Variants in TRRAP observed in about 807,000 individuals in gnomAD.
TRRAP encodes the protein transformation/transcription domain associated protein, also known as transformation/transcription domain-associated protein.
A neutral mutation model predicts 438.8 loss-of-function variants in TRRAP; 41 were observed. That is an observed-to-expected ratio of 0.09 (90% CI 0.07 to 0.12). TRRAP has a LOEUF of 0.12. TRRAP is among the 10% of genes least tolerant of loss of function. The probability of loss-of-function intolerance (pLI) is 1.00; values close to 1 mark genes in which losing one functional copy is unlikely to be tolerated. For synonymous variants in TRRAP, 1,994 were observed against 1,962.9 expected, an observed-to-expected ratio of 1.02 and a Z score of -0.42; for missense variants, 3,122 against 5,055.1, an observed-to-expected ratio of 0.62 and a Z score of 11.60.
At chr7:98,992,739 A>G (rs981868773) in intron 65 of TRRAP, among the ~76,000 whole-genome samples, 1 of 152,230 alleles carries the variant, frequency 6.6e-6, no homozygotes, top group African/African-American at 2.4e-5. Context: ...TGATGGCTTC[A>G]GTTACCCACT....
intron 11 of TRRAP, among the ~76,000 whole-genome samples, chr7:98,901,691 G>A (rs797033720): frequency 5.9e-5 from 9 of 152,248 alleles, no homozygotes; most frequent in African/African-American, 2.2e-4. Context: ...TAGGATTACA[G>A]GCATGCACTA....
At chr7:98,957,860 G>C in intron 43 of TRRAP, 121 bp from the exon 44 acceptor site, 1 of 802,808 alleles carries the variant, frequency 1.2e-6, no homozygotes, top group Non-Finnish European at 2.1e-6. Context: ...TATCCCCAGC[G>C]CCCAGAGCTG....
intron 45 of TRRAP, 137 bp downstream of exon 45, chr7:98,959,627 A>ATGACTGGCAAAGG: frequency 1.6e-6 from 2 of 1,284,730 alleles, no homozygotes; most frequent in Non-Finnish European, 1.1e-6. Flanking sequence ...CCCCTTTGCC[A>ATGACTGGCAAAGG]GTCATGGCCT....
intron 2 of TRRAP, chr7:98,881,571 C>CAA (rs35358303): frequency 0.034 from 4,175 of 123,814 alleles, 77 homozygotes; most frequent in South Asian, 0.059. Flanking sequence ...GACTCCCTCT[C>CAA]AAAAAAAAAA....
chr7:98,966,757 TAAAGTA>T (rs993320082), intron 49 of TRRAP, among the ~76,000 whole-genome samples: 2 of 152,162 alleles, frequency 1.3e-5, no homozygotes, highest in Non-Finnish European at 2.9e-5. Context: ...AAATAATACT[TAAAGTA>T]AAAGTAATAA....
intron 67 of TRRAP, among the ~76,000 whole-genome samples, chr7:99,002,611 G>A (rs1793981193): frequency 6.6e-6 from 1 of 152,168 alleles, no homozygotes; most frequent in Admixed American, 6.5e-5. Context: ...TCACCTTGGT[G>A]CACAGCAGCC....
chr7:98,909,060 G>C lies in TRRAP; in HGVS notation c.1350+98G>C, dbSNP rs1017035997. 50 of 1,149,002 alleles carry C rather than the reference G, an allele frequency of 4.4e-5. No homozygotes were observed. In the African/African-American group the frequency reaches 8.8e-4, roughly 20 times the overall value. 71.2% of individuals were successfully genotyped at this position (1,149,002 alleles called of 1,614,324 possible). A position where few individuals can be genotyped will look rare whatever the true frequency, so the allele number is the denominator to read the frequency against. On this transcript the variant is annotated intron_variant, in intron 14 of 72. Transcript: ENST00000456197. ...TTTTTTTGAGACAGATCCTTGTTCTGTTGCCTAGGCTGAAGTGCAGTGGCG... is the reference window on the plus strand; with the variant it reads ...TTTTTTTGAGACAGATCCTTGTTCTCTTGCCTAGGCTGAAGTGCAGTGGCG...
At position 98,927,325 on chromosome 7, in the gene TRRAP, T is replaced by G. The variant is rs782726251; in HGVS notation, c.3134T>G (p.Leu1045Trp). The G allele has an allele frequency of 6.2e-7, 1 of 1,614,132 alleles. No individual in the cohort carries two copies. The highest frequency in any genetic ancestry group is 1.7e-5 in the Admixed American group (1 of 60,020). The change falls in exon 23 of 73, where the codon TTG becomes TGG. Residue 1045 changes from leucine to tryptophan, a missense_variant. Leu to Trp is a moderately conservative substitution (Grantham distance 61). Around this residue, in one of 24 missense-constraint regions of TRRAP, gnomAD observed 54 missense variants for 74.6 expected, o/e 0.72. Transcript: ENST00000456197. ...RPSALPFVAS[L>W]IRHYTMVAVA... ...AGCGCCCTGCCCTTTGTCGCCAGCT[T>G]GATCCGCCACTATACGATGGTGGCA...
chr7:98,981,682 A>C, intron 58 of TRRAP, 87 bp from the exon 59 acceptor site: 2 of 1,420,574 alleles, frequency 1.4e-6, no homozygotes, highest in Non-Finnish European at 1.9e-6. Flanking sequence ...CCTAGTGACC[A>C]AAAAAAGTGA....
chr7:98,970,980 G>A (rs1383602995), intron 52 of TRRAP, among the ~76,000 whole-genome samples: 1 of 152,126 alleles, frequency 6.6e-6, no homozygotes, highest in African/African-American at 2.4e-5. Context: ...TTTGTAGGCT[G>A]TATCTCCTTA....
intron 30 of TRRAP, 147 bp from the exon 31 acceptor site, chr7:98,942,802 C>A: frequency 1.2e-6 from 1 of 821,184 alleles, no homozygotes; most frequent in South Asian, 1.8e-5. Flanking sequence ...TTATTCTCAT[C>A]ACTAGTTAGA....
rs775421033 is a variant in TRRAP, at chr7:98,976,104, C to A, written c.7840-45C>A. The A allele has an allele frequency of 1.2e-6, 2 of 1,608,708 alleles. No individual in the cohort carries two copies. The highest frequency in any genetic ancestry group is 1.7e-6 in the Non-Finnish European group (2 of 1,177,108). On this transcript the variant is annotated intron_variant, in intron 53 of 72. Coordinates refer to ENST00000456197, the MANE Select transcript of TRRAP (RefSeq NM_001375524.1). The surrounding 1 kb of genome is among the most constrained non-coding windows in gnomAD (Gnocchi z 4.6). ...CTTCTGAGCGTGGTTGTGCGAGGCA[C>A]CCCCAGCCCGTGGCCATCTCAGCCT...
At chr7:98,899,986 G>A (rs1796401054) in intron 10 of TRRAP, among the ~76,000 whole-genome samples, 1 of 152,172 alleles carries the variant, frequency 6.6e-6, no homozygotes, top group Non-Finnish European at 1.5e-5. Context: ...CTGGTGCGTT[G>A]TAAATTAAAA....
chr7:98,965,745 G>T lies in TRRAP; in HGVS notation c.7026G>T (p.Leu2342=), dbSNP rs879183625. 8.1e-6 allele frequency: 13 copies of T among 1,614,034 alleles called. No individual in the cohort carries two copies. In the Admixed American group the frequency reaches 2.2e-4, roughly 27 times the overall value. The change falls in exon 49 of 73, where the codon CTG becomes CTT. Residue 2342 remains leucine (L), a synonymous_variant. Transcript: ENST00000456197. ...MLSLELVKTR[L]AVMSMEMRKN... is the part of the protein sequence containing the mutation. ...GTCTGGAGCTGGTGAAGACGCGCCT[G>T]GCAGTGATGAGCATGGAGATGCGGA...
chr7:98,947,798 T>G (rs191697078), intron 33 of TRRAP, among the ~76,000 whole-genome samples: 17 of 152,308 alleles, frequency 1.1e-4, no homozygotes, highest in African/African-American at 3.8e-4. Context: ...CCCTTAGAAC[T>G]TAGTGTGTTG....
rs1170859903 is a variant in TRRAP, at chr7:99,012,683, T to G, written c.*328T>G. The G allele has an allele frequency of 2.7e-6, 1 of 367,690 alleles. No individual in the cohort carries two copies. The highest frequency in any genetic ancestry group is 5.0e-6 in the Non-Finnish European group (1 of 201,066). 22.8% of individuals were successfully genotyped at this position (367,690 alleles called of 1,614,324 possible). A position where few individuals can be genotyped will look rare whatever the true frequency, so the allele number is the denominator to read the frequency against. ...TTTTATGGTGTCCTCCCTCTGTGAA[T>G]GTACAGGCGGAACTGTACGAACAGC... is the stretch of plus-strand genomic sequence containing the variant. On this transcript the variant is annotated 3_prime_UTR_variant, in exon 73 of 73. Transcript: ENST00000456197. This position sits in a 1 kb window ranked among gnomAD's most constrained non-coding sequence, Gnocchi z 5.9.
chr7:98,988,170 A>C (rs1471531735), intron 62 of TRRAP, among the ~76,000 whole-genome samples: 1 of 152,176 alleles, frequency 6.6e-6, no homozygotes, highest in East Asian at 1.9e-4. Context: ...TGTCTGGTAC[A>C]TTGCTGGTGT....
rs782633104 is a variant in TRRAP, at chr7:98,893,867, C to T, written c.436C>T (p.Pro146Ser). 1 of 1,613,450 alleles carries T rather than the reference C, an allele frequency of 6.2e-7. No homozygotes were observed. Among genetic ancestry groups the T allele is most frequent in the African/African-American group, 1.3e-5 (1 of 74,982 alleles). Reference protein sequence around the residue: ...IIELHKQFRPPITQEIHHFLD... With the variant: ...IIELHKQFRPSITQEIHHFLD... ...TGAGCTACACAAACAGTTCAGGCCA[C>T]CGATCACACAAGAAGTAAGTTGTTT... Residue 146 changes from proline to serine, a missense_variant, in exon 6 of 73, where the codon CCG (proline) becomes TCG (serine). Physicochemically the swap from Pro to Ser is moderately conservative, Grantham distance 74. Around this residue, in one of 24 missense-constraint regions of TRRAP, gnomAD observed 343 missense variants for 564.0 expected, o/e 0.61. Coordinates refer to ENST00000456197, the MANE Select transcript of TRRAP (RefSeq NM_001375524.1).
chr7:98,964,696 C>T lies in TRRAP; in HGVS notation c.6897C>T (p.Val2299=), dbSNP rs958365266. Residue 2299 remains valine (V), a synonymous_variant, in exon 48 of 73, where the codon GTC becomes GTT. Coordinates refer to ENST00000456197, the MANE Select transcript of TRRAP (RefSeq NM_001375524.1). The stretch of plus-strand genomic sequence containing the variant: ...GCTACATAGACAGGCTGATCTCCGT[C>T]TTTATGCGCTCCCTGCAGAAGATGG... ...NPSYIDRLIS[V]FMRSLQKMVR... is the part of the protein sequence containing the mutation. 1 of 1,613,936 alleles carries T rather than the reference C, an allele frequency of 6.2e-7. No individual in the cohort carries two copies. Among genetic ancestry groups the T allele is most frequent in the Non-Finnish European group, 8.5e-7 (1 of 1,180,012 alleles).
Sources: allele counts gnomAD v4.1 joint callset (sites outside exome capture counted in the v4.1 genomes callset), GRCh38; gene constraint gnomAD v4.1.1; regional missense constraint gnomAD v4.1.1; non-coding constraint Gnocchi (gnomAD v3.1); transcripts MANE v1.5; gene names NCBI Gene and HGNC (gene_info 2026-07-23, HGNC 2026-07-21).